The following PCDH15 variants were observed in gnomAD, a reference collection of about 807,000 sequenced individuals.
PCDH15 encodes protocadherin related 15, also known as protocadherin-15.
PCDH15 carries 129 observed loss-of-function variants against 178.5 expected under a neutral mutation model. The observed-to-expected ratio is 0.72, with a 90% CI of 0.63 to 0.84. The LOEUF is 0.84. PCDH15 is among the 40% of genes least tolerant of loss of function. The probability of loss-of-function intolerance (pLI) is 0.00; values close to 1 mark genes in which losing one functional copy is unlikely to be tolerated. For synonymous variants in PCDH15, 800 were observed against 732.0 expected, an observed-to-expected ratio of 1.09 and a Z score of -1.50; for missense variants, 2,230 against 2,099.9, an observed-to-expected ratio of 1.06 and a Z score of -1.21.
chr10:53,963,815 T>C (rs2088640583), intron 21 of PCDH15, among the ~76,000 whole-genome samples: 1 of 152,112 alleles, frequency 6.6e-6, no homozygotes, highest in Admixed American at 6.5e-5. Flanking sequence ...CCCTAATGTC[T>C]TCTCATATCC....
intron 6 of PCDH15, among the ~76,000 whole-genome samples, chr10:54,333,518 A>G (rs1423082198): frequency 6.6e-6 from 1 of 151,882 alleles, no homozygotes; most frequent in Admixed American, 6.6e-5. Context: ...ACCCTAAGTA[A>G]AAGTCTTGCT....
chr10:53,873,727 CTGAT>C (rs1188041421), intron 26 of PCDH15, among the ~76,000 whole-genome samples: 1 of 152,176 alleles, frequency 6.6e-6, no homozygotes, highest in Non-Finnish European at 1.5e-5. Flanking sequence ...GTGCTATGGA[CTGAT>C]TATTTCTCCC....
At chr10:54,575,608 C>T (rs1227883573) in intron 2 of PCDH15, among the ~76,000 whole-genome samples, 2 of 151,928 alleles carry the variant, frequency 1.3e-5, no homozygotes, top group African/African-American at 2.4e-5. Flanking sequence ...TTTAAAGCTT[C>T]TTTTTAAATG....
chr10:53,878,522 G>A (rs932131454), intron 26 of PCDH15, among the ~76,000 whole-genome samples: 5 of 140,316 alleles, frequency 3.6e-5, no homozygotes, highest in African/African-American at 8.3e-5. Flanking sequence ...GTGTGTGTGT[G>A]TATATATATA....
chr10:55,363,500 A>T (rs1463306350), intron 2 of PCDH15, among the ~76,000 whole-genome samples: 1 of 152,170 alleles, frequency 6.6e-6, no homozygotes, highest in Non-Finnish European at 1.5e-5. Context: ...ATTGACAGTT[A>T]TGTACAGTAA....
At chr10:54,744,777 C>A (rs1186115044) in intron 1 of PCDH15, among the ~76,000 whole-genome samples, 2 of 152,202 alleles carry the variant, frequency 1.3e-5, no homozygotes, top group Admixed American at 6.5e-5. Flanking sequence ...ATCCTATTTG[C>A]TATAATATAA....
chr10:53,989,674 A>G (rs866031324), intron 21 of PCDH15, among the ~76,000 whole-genome samples: 27 of 152,190 alleles, frequency 1.8e-4, no homozygotes, highest in Middle Eastern at 3.4e-3. Context: ...TGTTAAGGGG[A>G]AAAAAAGCAA....
At chr10:54,844,895 T>C (rs1187732264) in intron 3 of PCDH15, among the ~76,000 whole-genome samples, 1 of 151,980 alleles carries the variant, frequency 6.6e-6, no homozygotes, top group Non-Finnish European at 1.5e-5. Flanking sequence ...TTAATTTAAA[T>C]GTTTCAGAGC....
intron 20 of PCDH15, among the ~76,000 whole-genome samples, chr10:54,004,058 T>G (rs1482392800): frequency 1.3e-5 from 2 of 151,480 alleles, no homozygotes; most frequent in Non-Finnish European, 2.9e-5. Flanking sequence ...TTCAATTGAT[T>G]CTGAAAAAGC....
intron 15 of PCDH15, among the ~76,000 whole-genome samples, chr10:54,110,802 T>C (rs1472134648): frequency 1.3e-5 from 2 of 152,200 alleles, no homozygotes; most frequent in Non-Finnish European, 2.9e-5. Context: ...CTTATTTTCT[T>C]TTAAAAACTG....
intron 6 of PCDH15, among the ~76,000 whole-genome samples, chr10:54,334,594 C>T (rs1211501054): frequency 1.3e-5 from 2 of 152,078 alleles, no homozygotes; most frequent in African/African-American, 4.8e-5. Flanking sequence ...TCCAGCCTTT[C>T]ACACCTATGT....
intron 2 of PCDH15, among the ~76,000 whole-genome samples, chr10:54,548,990 T>A (rs1411101665): frequency 6.6e-6 from 1 of 151,794 alleles, no homozygotes; most frequent in Admixed American, 6.6e-5. Context: ...TTTATTAACA[T>A]ATATATTTCA....
intron 2 of PCDH15, among the ~76,000 whole-genome samples, chr10:54,915,294 A>G (rs1294654365): frequency 1.3e-5 from 2 of 152,196 alleles, no homozygotes; most frequent in Non-Finnish European, 2.9e-5. Flanking sequence ...TGAACCCACT[A>G]CAAAGCTTCA....
At chr10:54,110,485 C>T (rs753575420) in intron 15 of PCDH15, among the ~76,000 whole-genome samples, 3 of 152,124 alleles carry the variant, frequency 2.0e-5, no homozygotes, top group Non-Finnish European at 4.4e-5. Flanking sequence ...CATCTTTACT[C>T]ATGAAGACAG....
At chr10:55,422,981 T>A (rs1437692794) in intron 2 of PCDH15, among the ~76,000 whole-genome samples, 1 of 151,966 alleles carries the variant, frequency 6.6e-6, no homozygotes, top group African/African-American at 2.4e-5. Flanking sequence ...ATAAAGTATG[T>A]CCAGTATAAT....
In PCDH15 at chr10:54,316,527, TATAC is replaced by T. The variant is rs1337568020; in HGVS notation, c.876+740_876+743del. Among the ~76,000 whole-genome samples the T allele has an allele frequency of 2.3e-5, 3 of 128,240 alleles. No homozygotes were observed. The East Asian group carries it at 6.5e-4, about 28-fold the overall frequency. 84.1% of individuals were successfully genotyped at this position (128,240 alleles called of 152,430 possible). A position where few individuals can be genotyped will look rare whatever the true frequency, so the allele number is the denominator to read the frequency against. On this transcript the variant is annotated intron_variant, in intron 8 of 37. Transcript: ENST00000644397. ...GGAATTTTTAAAAACAGAATATGTG[TATAC>T]ACACACACACACACACACACACACA... is the stretch of plus-strand genomic sequence containing the variant.
At chr10:55,472,463 A>C (rs202206711) in intron 2 of PCDH15, among the ~76,000 whole-genome samples, 3,917 of 115,806 alleles carry the variant, frequency 0.034, 73 homozygotes, top group East Asian at 0.069. Flanking sequence ...GTTTTGAATT[A>C]GCTTTTTTTT....
At chr10:54,133,387 C>T (rs1464367748) in intron 14 of PCDH15, among the ~76,000 whole-genome samples, 1 of 152,018 alleles carries the variant, frequency 6.6e-6, no homozygotes, top group Non-Finnish European at 1.5e-5. Flanking sequence ...GGCTTTTTTG[C>T]TGTTAAACCA....
At chr10:54,948,119 A>T (rs1838236870) in intron 2 of PCDH15, among the ~76,000 whole-genome samples, 1 of 151,894 alleles carries the variant, frequency 6.6e-6, no homozygotes, top group Non-Finnish European at 1.5e-5. Flanking sequence ...GACTATTTGT[A>T]TACATCGATA....
Sources: allele counts gnomAD v4.1 joint callset (sites outside exome capture counted in the v4.1 genomes callset), GRCh38; gene constraint gnomAD v4.1.1; transcripts MANE v1.5; gene names NCBI Gene and HGNC (gene_info 2026-07-23, HGNC 2026-07-21).